Variants in BFSP2 observed in about 807,000 individuals in gnomAD.
The protein encoded by BFSP2 is phakinin.
In BFSP2, 38 loss-of-function variants were observed where a neutral mutation model predicts 44.9. The ratio of observed to expected loss-of-function variants is 0.85; its 90% CI spans 0.65 to 1.11. BFSP2 has a LOEUF of 1.11. Among genes scored for constraint, BFSP2 ranks in the 50% least tolerant of loss-of-function variants. The pLI, the probability that BFSP2 is intolerant of heterozygous loss-of-function variation, is 0.00. For synonymous variants in BFSP2, 197 were observed against 209.9 expected, an observed-to-expected ratio of 0.94 and a Z score of 0.53; for missense variants, 525 against 533.0, an observed-to-expected ratio of 0.99 and a Z score of 0.15.
At chr3:133,448,363 T>C (rs1440278503) in intron 2 of BFSP2, 126 bp from the exon 3 acceptor site, 20 of 1,232,636 alleles carry the variant, frequency 1.6e-5, no homozygotes, top group East Asian at 2.5e-5. Context: ...CTCAAATCTA[T>C]TGAAACAGTG....
chr3:133,475,135 T>G lies in BFSP2; in HGVS notation c.*163T>G, dbSNP rs1047864826. On this transcript the variant is annotated 3_prime_UTR_variant, in exon 7 of 7. Coordinates refer to ENST00000302334, the MANE Select transcript of BFSP2 (RefSeq NM_003571.4). ...TGGAAGTGGAGAGGATCCTTCTGCT[T>G]TAATCTGAGTAGTCTGTAGCTTGAG... The G allele has an allele frequency of 1.1e-6, 1 of 944,950 alleles. No individual in the cohort carries two copies. The highest frequency in any genetic ancestry group is 1.7e-6 in the Non-Finnish European group (1 of 591,302). 58.5% of individuals were successfully genotyped at this position (944,950 alleles called of 1,614,324 possible). A position where few individuals can be genotyped will look rare whatever the true frequency, so the allele number is the denominator to read the frequency against.
At chr3:133,433,892 G>A (rs1039711721) in intron 1 of BFSP2, among the ~76,000 whole-genome samples, 9 of 152,180 alleles carry the variant, frequency 5.9e-5, no homozygotes, top group East Asian at 5.8e-4. Flanking sequence ...TTAAGCTCCC[G>A]TATAGACGCT....
chr3:133,458,426 G>A (rs1416992820), intron 4 of BFSP2, among the ~76,000 whole-genome samples: 1 of 152,216 alleles, frequency 6.6e-6, no homozygotes, highest in Non-Finnish European at 1.5e-5. Flanking sequence ...GGGTGTGGTG[G>A]CTCACTCCTG....
In BFSP2 at chr3:133,472,486, G is replaced by C. The variant is rs148183785; in HGVS notation, c.1165G>C (p.Ala389Pro). The C allele has an allele frequency of 6.2e-7, 1 of 1,613,642 alleles. No homozygotes were observed. The highest frequency in any genetic ancestry group is 1.7e-5 in the Admixed American group (1 of 60,016). Reference protein sequence around the residue: ...AEAEQQQQERAHLLARKCQLQ... With the variant: ...AEAEQQQQERPHLLARKCQLQ... ...GGCGGAGCAGCAGCAACAGGAGCGC[G>C]CGCATCTGCTGGCCCGCAAGTGCCA... Residue 389 changes from alanine to proline, a missense_variant, in exon 6 of 7, where the codon GCG becomes CCG. Physicochemically the swap from Ala to Pro is conservative, Grantham distance 27 (BLOSUM62 -1). Transcript: ENST00000302334.
intron 1 of BFSP2, among the ~76,000 whole-genome samples, chr3:133,424,222 T>TAG: frequency 9.2e-6 from 1 of 108,990 alleles, no homozygotes; most frequent in Non-Finnish European, 1.8e-5. Flanking sequence ...ATTTTTTTTT[T>TAG]TTTTTTTTTT....
intron 4 of BFSP2, among the ~76,000 whole-genome samples, chr3:133,458,850 A>G (rs548427058): frequency 9.2e-5 from 14 of 152,170 alleles, no homozygotes; most frequent in Admixed American, 4.6e-4. Flanking sequence ...CCTCTTTCTT[A>G]CATCTTCTAC....
intron 1 of BFSP2, among the ~76,000 whole-genome samples, chr3:133,437,152 C>T (rs1016641510): frequency 4.7e-4 from 71 of 152,158 alleles, no homozygotes; most frequent in African/African-American, 1.7e-3. Context: ...AATGGTATTT[C>T]TAGTTCTAGA....
intron 1 of BFSP2, among the ~76,000 whole-genome samples, chr3:133,402,986 TA>T: frequency 6.6e-6 from 1 of 152,184 alleles, no homozygotes; most frequent in South Asian, 2.1e-4. Context: ...CTTTCAGCCA[TA>T]TTAAACTCTA....
chr3:133,405,353 G>C (rs547144461), intron 1 of BFSP2, among the ~76,000 whole-genome samples: 2 of 152,270 alleles, frequency 1.3e-5, no homozygotes, highest in African/African-American at 4.8e-5. Flanking sequence ...GTTTAAAATG[G>C]ACCTGATTTG....
At chr3:133,468,871 G>A (rs918094232) in intron 5 of BFSP2, among the ~76,000 whole-genome samples, 4 of 152,212 alleles carry the variant, frequency 2.6e-5, no homozygotes, top group African/African-American at 7.2e-5. Flanking sequence ...CTTTAGGATC[G>A]TAATAGAATT....
intron 1 of BFSP2, among the ~76,000 whole-genome samples, chr3:133,416,888 C>T: frequency 7.1e-6 from 1 of 140,278 alleles, no homozygotes; most frequent in African/African-American, 2.7e-5. Flanking sequence ...CTACTCATCC[C>T]TCTACTCATC....
At chr3:133,432,067 C>T (rs1686552494) in intron 1 of BFSP2, among the ~76,000 whole-genome samples, 1 of 152,082 alleles carries the variant, frequency 6.6e-6, no homozygotes, top group Non-Finnish European at 1.5e-5. Flanking sequence ...CATCACCATC[C>T]CATTAAAACC....
In BFSP2 at chr3:133,424,574, C is replaced by G. The variant is rs188640946; in HGVS notation, c.490-22743C>G. On this transcript the variant is annotated intron_variant, in intron 1 of 6. Transcript: ENST00000302334. ...ATCTGGAAAAGGAGAGTTATCATTC[C>G]ACCTGCCATCATGGTCCTGATCCTT... Among the ~76,000 whole-genome samples the G allele has an allele frequency of 1.1e-3, 161 of 152,254 alleles. 1 individual carries two copies. Among genetic ancestry groups the G allele is most frequent in the African/African-American group, 3.9e-3 (160 of 41,534 alleles).
At chr3:133,449,098 G>C (rs1435320102) in intron 3 of BFSP2, 1 of 193,770 alleles carries the variant, frequency 5.2e-6, no homozygotes, top group African/African-American at 2.4e-5. Flanking sequence ...AACAGTTATG[G>C]GGTCTAGTTC....
chr3:133,429,479 A>C (rs926613783), intron 1 of BFSP2: 5 of 152,188 alleles, frequency 3.3e-5, no homozygotes, highest in Non-Finnish European at 7.4e-5. Flanking sequence ...CCCGCAACTG[A>C]TTGGATGAGA....
chr3:133,405,542 G>T (rs1336826868), intron 1 of BFSP2, among the ~76,000 whole-genome samples: 1 of 151,924 alleles, frequency 6.6e-6, no homozygotes, highest in Non-Finnish European at 1.5e-5. Context: ...AAAAAAACAA[G>T]AACTAATCCT....
intron 5 of BFSP2, among the ~76,000 whole-genome samples, chr3:133,467,634 T>A (rs2074124649): frequency 6.6e-6 from 1 of 152,110 alleles, no homozygotes; most frequent in Non-Finnish European, 1.5e-5. Flanking sequence ...TATTAAAATA[T>A]TAAAATAATA....
chr3:133,452,461 C>T (rs1344308871), intron 4 of BFSP2, among the ~76,000 whole-genome samples: 1 of 152,184 alleles, frequency 6.6e-6, no homozygotes, highest in African/African-American at 2.4e-5. Flanking sequence ...TTCCCCTCGC[C>T]CCACCCAACC....
chr3:133,472,444 A>G lies in BFSP2; in HGVS notation c.1123A>G (p.Arg375Gly). Residue 375 changes from arginine (R) to glycine (G), a missense_variant, in exon 6 of 7, where the codon AGG (arginine) becomes GGG (glycine). By Grantham distance (125) the Arg-to-Gly change is moderately radical (BLOSUM62 -2). Transcript: ENST00000302334. ...GGTCGGCCGGCTGGAGGCGGAGCTCAGGGAAATCCGAGCGGAGGCGGAGCA... is the reference window on the plus strand; with the variant it reads ...GGTCGGCCGGCTGGAGGCGGAGCTCGGGGAAATCCGAGCGGAGGCGGAGCA... The part of the protein sequence containing the change: ...AVVGRLEAEL[R>G]EIRAEAEQQQ... 2 of 1,614,118 alleles carry G rather than the reference A, an allele frequency of 1.2e-6. No individual in the cohort carries two copies. The highest frequency in any genetic ancestry group is 1.7e-6 in the Non-Finnish European group (2 of 1,180,002).
Sources: gnomAD v4.1 joint callset for allele counts (sites outside exome capture counted in the v4.1 genomes callset) on GRCh38, gnomAD v4.1.1 for gene constraint, MANE v1.5 for transcripts, NCBI Gene and HGNC (gene_info 2026-07-23, HGNC 2026-07-21) for gene names.